Variants in SPOCK1 observed in about 807,000 individuals in gnomAD.
The protein encoded by SPOCK1 is SPARC (osteonectin), cwcv and kazal like domains proteoglycan 1.
SPOCK1 carries 23 observed loss-of-function variants against 55.3 expected under a neutral mutation model. That is an observed-to-expected ratio of 0.42 (90% CI 0.30 to 0.59). The LOEUF (loss-of-function observed/expected upper bound fraction) is 0.59, where lower values mean the gene tolerates loss of function less well. SPOCK1 is among the 20% of genes least tolerant of loss of function. The pLI is 0.22. For synonymous variants in SPOCK1, 226 were observed against 221.0 expected, an observed-to-expected ratio of 1.02 and a Z score of -0.20; for missense variants, 499 against 552.5, an observed-to-expected ratio of 0.90 and a Z score of 0.97.
chr5:137,140,747 ATTTTTTTTTTTTTTT>A, intron 3 of SPOCK1, 53 bp from the exon 4 acceptor site: 1 of 351,586 alleles, frequency 2.8e-6, no homozygotes, highest in Non-Finnish European at 4.4e-6. Context: ...GGGAAATTTA[ATTTTTTTTTTTTTTT>A]TTTTTTTTTT....
chr5:137,120,143 G>A (rs13183338), intron 4 of SPOCK1, among the ~76,000 whole-genome samples: 56 of 152,182 alleles, frequency 3.7e-4, no homozygotes, highest in Non-Finnish European at 6.3e-4. Flanking sequence ...GCTTCACCCC[G>A]TCTTGCTTGG....
intron 3 of SPOCK1, among the ~76,000 whole-genome samples, chr5:137,217,314 C>T (rs1489485255): frequency 6.6e-6 from 1 of 152,210 alleles, no homozygotes; most frequent in Admixed American, 6.5e-5. Flanking sequence ...CCTCTTCTTG[C>T]AGAGGCCCCT....
chr5:137,021,815 T>C (rs1751579898), intron 6 of SPOCK1, among the ~76,000 whole-genome samples: 1 of 152,162 alleles, frequency 6.6e-6, no homozygotes, highest in Admixed American at 6.5e-5. Flanking sequence ...CTGCTCAAGA[T>C]GCAGTTGATT....
At chr5:137,189,174 A>G (rs973186999) in intron 3 of SPOCK1, among the ~76,000 whole-genome samples, 4 of 150,312 alleles carry the variant, frequency 2.7e-5, no homozygotes, top group South Asian at 2.1e-4. Context: ...CAAGTTATCC[A>G]GAAGATCTAG....
chr5:137,339,280 C>T (rs1750360978), intron 2 of SPOCK1, among the ~76,000 whole-genome samples: 1 of 152,218 alleles, frequency 6.6e-6, no homozygotes, highest in East Asian at 1.9e-4. Context: ...GCATGTGACC[C>T]AAACCTAAGT....
chr5:137,329,632 G>A (rs972773636), intron 2 of SPOCK1, among the ~76,000 whole-genome samples: 2 of 152,152 alleles, frequency 1.3e-5, no homozygotes, highest in African/African-American at 2.4e-5. Flanking sequence ...GATGCAAAGC[G>A]TGGGATGTAG....
chr5:137,212,958 C>T (rs1453531169), intron 3 of SPOCK1, among the ~76,000 whole-genome samples: 1 of 152,162 alleles, frequency 6.6e-6, no homozygotes, highest in East Asian at 1.9e-4. Context: ...GACCAGGGGG[C>T]AGGTGCTCAG....
intron 5 of SPOCK1, among the ~76,000 whole-genome samples, chr5:137,078,241 G>A (rs80046038): frequency 6.6e-6 from 1 of 151,318 alleles, no homozygotes; most frequent in East Asian, 1.9e-4. Context: ...GAAAGGAAGA[G>A]GATGTTCTGA....
intron 3 of SPOCK1, among the ~76,000 whole-genome samples, chr5:137,141,949 A>T (rs1290825048): frequency 6.6e-6 from 1 of 152,218 alleles, no homozygotes; most frequent in East Asian, 1.9e-4. Flanking sequence ...GTCCTCAGCT[A>T]ATCAGCGCTC....
intron 3 of SPOCK1, among the ~76,000 whole-genome samples, chr5:137,214,208 G>C (rs1641817314): frequency 6.6e-6 from 1 of 152,126 alleles, no homozygotes; most frequent in South Asian, 2.1e-4. Flanking sequence ...ATAAAAAAGA[G>C]ATTATTTTTA....
intron 4 of SPOCK1, among the ~76,000 whole-genome samples, chr5:137,117,851 C>T (rs1279900951): frequency 6.6e-6 from 1 of 152,204 alleles, no homozygotes; most frequent in East Asian, 1.9e-4. Context: ...TCCAAAGCTG[C>T]ATGAGGGCCT....
chr5:137,161,637 G>C (rs1754559585), intron 3 of SPOCK1, among the ~76,000 whole-genome samples: 1 of 151,658 alleles, frequency 6.6e-6, no homozygotes, highest in Admixed American at 6.6e-5. Flanking sequence ...ACTTCACTCA[G>C]AGCAGCCAGT....
At chr5:137,224,631 A>AGAAG (rs1755914618) in intron 3 of SPOCK1, among the ~76,000 whole-genome samples, 1 of 152,224 alleles carries the variant, frequency 6.6e-6, no homozygotes, top group South Asian at 2.1e-4. Flanking sequence ...AGCTGACTCT[A>AGAAG]TTGAGCTTAA....
chr5:137,110,505 C>T (rs957106959), intron 5 of SPOCK1, among the ~76,000 whole-genome samples: 1 of 152,170 alleles, frequency 6.6e-6, no homozygotes, highest in African/African-American at 2.4e-5. Context: ...ATAGAAATGA[C>T]TCATCAGTGT....
At chr5:137,339,628 TTCAA>T (rs1750369897) in intron 2 of SPOCK1, among the ~76,000 whole-genome samples, 1 of 152,294 alleles carries the variant, frequency 6.6e-6, no homozygotes, top group South Asian at 2.1e-4. Flanking sequence ...TCCTTTTTTT[TTCAA>T]TCAGTTTTTT....
intron 3 of SPOCK1, among the ~76,000 whole-genome samples, chr5:137,195,245 C>T (rs1353617110): frequency 1.3e-5 from 2 of 152,186 alleles, no homozygotes; most frequent in African/African-American, 4.8e-5. Context: ...CCTCTACTCG[C>T]TTCCACTTTG....
At chr5:137,343,060 T>C (rs940335430) in intron 2 of SPOCK1, among the ~76,000 whole-genome samples, 4 of 152,356 alleles carry the variant, frequency 2.6e-5, no homozygotes, top group Middle Eastern at 3.4e-3. Flanking sequence ...ATCAGAAGGC[T>C]GCTGGGTGAC....
chr5:137,189,172 C>T (rs961579377), intron 3 of SPOCK1, among the ~76,000 whole-genome samples: 27 of 150,336 alleles, frequency 1.8e-4, no homozygotes, highest in Middle Eastern at 3.2e-3. Context: ...TGCAAGTTAT[C>T]CAGAAGATCT....
chr5:136,987,754 C>G (rs1386334547), intron 8 of SPOCK1, among the ~76,000 whole-genome samples: 1 of 151,774 alleles, frequency 6.6e-6, no homozygotes, highest in Non-Finnish European at 1.5e-5. Flanking sequence ...GTGGGCCTGT[C>G]TCTTCTGGTC....
Sources: allele counts gnomAD v4.1 joint callset (sites outside exome capture counted in the v4.1 genomes callset), GRCh38; gene constraint gnomAD v4.1.1; transcripts MANE v1.5; gene names NCBI Gene and HGNC (gene_info 2026-07-23, HGNC 2026-07-21).